The following MAGOH variants were observed in gnomAD, a reference collection of about 807,000 sequenced individuals.
The protein encoded by MAGOH is protein mago nashi homolog.
In MAGOH, 3 loss-of-function variants were observed where a neutral mutation model predicts 20.9. The ratio of observed to expected loss-of-function variants is 0.14; its 90% CI spans 0.07 to 0.37. MAGOH has a LOEUF of 0.37. Ranked by LOEUF, MAGOH falls within the 10% of genes least tolerant of loss-of-function variation. The pLI, the probability that MAGOH is intolerant of heterozygous loss-of-function variation, is 1.00. For synonymous variants in MAGOH, 51 were observed against 61.0 expected (o/e 0.84, Z 0.76); for missense variants, 66 against 178.1 (o/e 0.37, Z 3.58).
chr1:53,238,014 T>C (rs762657682), intron 1 of MAGOH, among the ~76,000 whole-genome samples: 3 of 152,192 alleles, frequency 2.0e-5, no homozygotes, highest in Non-Finnish European at 4.4e-5. Context: ...TATTCTACCA[T>C]GTTATTTTTT....
intron 4 of MAGOH, 41 bp downstream of exon 4, chr1:53,228,831 C>A: frequency 6.8e-7 from 1 of 1,468,076 alleles, no homozygotes; most frequent in Non-Finnish European, 9.5e-7. Flanking sequence ...CAATCTGCTC[C>A]AAAACAGACA....
At chr1:53,229,099 G>C (rs887680964) in intron 3 of MAGOH, 145 bp from the exon 4 acceptor site, 5 of 620,392 alleles carry the variant, frequency 8.1e-6, no homozygotes, top group African/African-American at 1.8e-5. Flanking sequence ...ACTAAACTGT[G>C]CTGGGCACTA....
chr1:53,229,114 CAA>C (rs1160194623), intron 3 of MAGOH, among the ~76,000 whole-genome samples, 160 bp from the exon 4 acceptor site: 2 of 151,774 alleles, frequency 1.3e-5, no homozygotes, highest in Non-Finnish European at 2.9e-5. Flanking sequence ...GCACTAGAAA[CAA>C]GAGATAAATA....
chr1:53,226,994 C>A lies in MAGOH; in HGVS notation c.*51G>T. 1 of 964,772 alleles carries A rather than the reference C, an allele frequency of 1.0e-6. No individual in the cohort carries two copies. The highest frequency in any genetic ancestry group is 2.5e-5 in the Admixed American group (1 of 40,700). The allele number at this position is 964,772 out of a possible 1,614,324, so 59.8% of individuals were successfully genotyped here. On this transcript the variant is annotated 3_prime_UTR_variant, in exon 5 of 5. Coordinates refer to ENST00000371470, the MANE Select transcript of MAGOH (RefSeq NM_002370.4). ...CATAAAAAAATACTGCCCTGATATACACAAAATTTTCTACTCCCACCCACC... is the reference window on the plus strand; with the variant it reads ...CATAAAAAAATACTGCCCTGATATAAACAAAATTTTCTACTCCCACCCACC...
At chr1:53,235,153 A>G (rs887616112) in intron 2 of MAGOH, among the ~76,000 whole-genome samples, 4 of 152,224 alleles carry the variant, frequency 2.6e-5, no homozygotes, top group African/African-American at 9.7e-5. Context: ...ATGTAAATTA[A>G]ATAGCTCTTC....
chr1:53,237,506 C>G (rs1645618062), intron 1 of MAGOH, among the ~76,000 whole-genome samples: 1 of 150,740 alleles, frequency 6.6e-6, no homozygotes, highest in African/African-American at 2.4e-5. Context: ...GAAACTCCGT[C>G]TCTACTAAAA....
chr1:53,229,764 C>T (rs946388656), intron 3 of MAGOH, among the ~76,000 whole-genome samples: 11 of 151,950 alleles, frequency 7.2e-5, no homozygotes, highest in South Asian at 2.1e-4. Flanking sequence ...ACAAAAAATA[C>T]GAAAACTAGC....
intron 1 of MAGOH, among the ~76,000 whole-genome samples, chr1:53,236,679 C>T (rs753844745): frequency 3.9e-5 from 6 of 152,202 alleles, no homozygotes; most frequent in Non-Finnish European, 7.3e-5. Context: ...TTCTCTGCTG[C>T]GAGCCTCCTC....
At chr1:53,232,461 A>G (rs1376440535) in intron 3 of MAGOH, among the ~76,000 whole-genome samples, 3 of 152,236 alleles carry the variant, frequency 2.0e-5, no homozygotes, top group African/African-American at 7.2e-5. Flanking sequence ...AAAAAACACA[A>G]AAAGACAACA....
At chr1:53,231,965 T>C (rs2100304361) in intron 3 of MAGOH, among the ~76,000 whole-genome samples, 1 of 152,354 alleles carries the variant, frequency 6.6e-6, no homozygotes, top group African/African-American at 2.4e-5. Context: ...GTTAAATGCA[T>C]TCCCAAGTTC....
chr1:53,233,268 A>AT (rs1488330189), intron 3 of MAGOH: 2 of 267,384 alleles, frequency 7.5e-6, no homozygotes, highest in East Asian at 1.5e-4. Flanking sequence ...AGTGGCTTTT[A>AT]TTTTTTAGTT....
chr1:53,227,681 C>A (rs574297911), intron 4 of MAGOH, among the ~76,000 whole-genome samples: 1 of 152,194 alleles, frequency 6.6e-6, no homozygotes, highest in Admixed American at 6.5e-5. Flanking sequence ...GCTAGGATTA[C>A]AGGCATGCAC....
At chr1:53,237,518 T>C (rs1645618144) in intron 1 of MAGOH, among the ~76,000 whole-genome samples, 1 of 150,342 alleles carries the variant, frequency 6.7e-6, no homozygotes, top group African/African-American at 2.4e-5. Flanking sequence ...CTACTAAAAA[T>C]ACAAAATTAG....
Position 53,233,734 on chromosome 1 carries a change from A to G in MAGOH, c.148-82T>C, listed in dbSNP as rs1174460751. On this transcript the variant is annotated intron_variant, in intron 2 of 4. Coordinates refer to ENST00000371470, the MANE Select transcript of MAGOH (RefSeq NM_002370.4). ...CAGATAGTGATGGAAGATAAAAATA[A>G]CTGTTCCTGCAGACTTATTTCTGGC... The G allele has an allele frequency of 1.6e-5, 14 of 898,272 alleles. No homozygotes were observed. The East Asian group carries it at 3.2e-4, about 20-fold the overall frequency. 55.6% of individuals were successfully genotyped at this position (898,272 alleles called of 1,614,324 possible).
chr1:53,233,589 T>C lies in MAGOH; in HGVS notation c.211A>G (p.Lys71Glu), dbSNP rs747222044. The C allele has an allele frequency of 1.2e-6, 2 of 1,614,102 alleles. No homozygotes were observed. The highest frequency in any genetic ancestry group is 2.7e-5 in the African/African-American group (2 of 74,940). Residue 71 changes from lysine (K) to glutamate (E), a missense_variant, in exon 3 of 5, where the codon AAA becomes GAA. By Grantham distance (56) the Lys-to-Glu change is moderately conservative. Transcript: ENST00000371470. ...KRIIDDSEIT[K>E]EDDALWPPPD... Reference sequence around the variant, plus strand: ...GGAGGCCACAATGCATCATCCTCTTTGGTAATTTCACTGTCGTCAATTATT... The same window carrying C: ...GGAGGCCACAATGCATCATCCTCTTCGGTAATTTCACTGTCGTCAATTATT...
intron 3 of MAGOH, among the ~76,000 whole-genome samples, chr1:53,231,533 G>A (rs1267309352): frequency 6.6e-6 from 1 of 152,106 alleles, no homozygotes; most frequent in Non-Finnish European, 1.5e-5. Context: ...TACATTGTCA[G>A]CTGTCCTGGT....
intron 3 of MAGOH, 62 bp from the exon 4 acceptor site, chr1:53,229,016 G>T: frequency 8.7e-7 from 1 of 1,144,802 alleles, no homozygotes; most frequent in South Asian, 1.2e-5. Flanking sequence ...GCACACAGAA[G>T]GATTAATCAT....
At chr1:53,227,168 T>C (rs762868290) in intron 4 of MAGOH, 24 bp from the exon 5 acceptor site, 1 of 1,442,500 alleles carries the variant, frequency 6.9e-7, no homozygotes, top group Non-Finnish European at 9.5e-7. Flanking sequence ...GGAAAAAAGT[T>C]TAGGCATTAA....
At position 53,229,237 on chromosome 1, in the gene MAGOH, T is replaced by C. The variant is rs151204958; in HGVS notation, c.259-283A>G. On this transcript the variant is annotated intron_variant, in intron 3 of 4. Transcript: ENST00000371470. ...TTCCTGAGACAGAGTCTCACTCTGT[T>C]GCCCAGGCTGGAGTGCACTGGCATG... Among the ~76,000 whole-genome samples, 228 of 151,832 alleles carry C rather than the reference T, an allele frequency of 1.5e-3. 5 individuals carry two copies. In the East Asian group the frequency reaches 0.042, roughly 28 times the overall value.
Sources: gnomAD v4.1 joint callset for allele counts (sites outside exome capture counted in the v4.1 genomes callset) on GRCh38, gnomAD v4.1.1 for gene constraint, MANE v1.5 for transcripts, NCBI Gene and HGNC (gene_info 2026-07-23, HGNC 2026-07-21) for gene names.